CNGB3: variants seen among roughly 807,000 people sequenced by gnomAD.
CNGB3 encodes the protein cyclic nucleotide-gated channel beta-3.
Under a neutral mutation model 92.8 loss-of-function variants are expected in CNGB3, and 86 were observed. The observed-to-expected ratio is 0.93, with a 90% CI of 0.78 to 1.11. CNGB3 has a LOEUF of 1.11. Ranked by LOEUF, CNGB3 falls within the 50% of genes least tolerant of loss-of-function variation. The probability of loss-of-function intolerance (pLI) is 0.00; values close to 1 mark genes in which losing one functional copy is unlikely to be tolerated. For synonymous variants in CNGB3, 333 were observed against 332.7 expected (o/e 1.00, Z -0.01); for missense variants, 1,026 against 956.8 (o/e 1.07, Z -0.95).
In CNGB3 at chr8:86,739,639, C is replaced by CA; in HGVS notation, c.211+15dup. On this transcript the variant is annotated intron_variant, in intron 2 of 17. Transcript: ENST00000320005. ...TTTTTAGTTTTTTTTTTTTTTTTTT[C>CA]AGACTGCATTCTGACCTTGTATGTT... The CA allele has an allele frequency of 2.2e-6, 2 of 922,536 alleles. No individual in the cohort carries two copies. The highest frequency in any genetic ancestry group is 6.5e-5 in the East Asian group (2 of 30,684). The allele number at this position is 922,536 out of a possible 1,614,324, so 57.1% of individuals were successfully genotyped here. A position where few individuals can be genotyped will look rare whatever the true frequency, so the allele number is the denominator to read the frequency against.
At chr8:86,738,483 G>A (rs1825283698) in intron 2 of CNGB3, among the ~76,000 whole-genome samples, 1 of 152,176 alleles carries the variant, frequency 6.6e-6, no homozygotes. Context: ...CTTGGCCTGG[G>A]GGTAGTGCAG....
At position 86,705,659 on chromosome 8, in the gene CNGB3, G is replaced by A. The variant is rs1303244319; in HGVS notation, c.338+20872C>T. On this transcript the variant is annotated intron_variant, in intron 3 of 17. Transcript: ENST00000320005. ...AAGACAGGCTGGATATCAGAAACAC[G>A]GCTGACATGAGCGCTGGGGGTTCAG... Among the ~76,000 whole-genome samples, 10 of 152,094 alleles carry A rather than the reference G, an allele frequency of 6.6e-5. No homozygotes were observed. The East Asian group carries it at 1.3e-3, about 21-fold the overall frequency.
chr8:86,670,907 T>G (rs368773578), intron 4 of CNGB3, 37 bp downstream of exon 4: 1 of 1,610,906 alleles, frequency 6.2e-7, no homozygotes, highest in African/African-American at 1.3e-5. Flanking sequence ...CCCTCAGCAC[T>G]TCTTTCTTCC....
intron 3 of CNGB3, among the ~76,000 whole-genome samples, chr8:86,701,177 A>G (rs1405555453): frequency 6.6e-6 from 1 of 152,198 alleles, no homozygotes; most frequent in Non-Finnish European, 1.5e-5. Context: ...ATTAAAATTT[A>G]TGCACATAGT....
chr8:86,660,699 G>A lies in CNGB3; in HGVS notation c.852+6226C>T, dbSNP rs111566359. 546 of 529,556 alleles carry A rather than the reference G, an allele frequency of 1.0e-3. 2 individuals carry two copies. Among genetic ancestry groups the A allele is most frequent in the African/African-American group, 9.2e-3 (480 of 52,014 alleles). The allele number at this position is 529,556 out of a possible 1,614,324, so 32.8% of individuals were successfully genotyped here. ...CAGCTACAGCCCTGTTTTGTGAGAA[G>A]TTCCATACACAGTGCTCCCCCATCC... On this transcript the variant is annotated intron_variant, in intron 6 of 17. Transcript: ENST00000320005.
rs1435902596 is a variant in CNGB3 at position 86,668,106 on chromosome 8, T to C, written c.556A>G (p.Arg186Gly). ...TTTTTGACTTTGAACCACAACAGCC[T>C]GTAGTAATGTTCTGTTGGCTTATCA... ...SDDKPTEHYY[R>G]LLWFKVKKMP... Residue 186 changes from arginine (R) to glycine (G), a missense_variant, in exon 5 of 18, where the codon AGG (arginine) becomes GGG (glycine). By Grantham distance (125) the Arg-to-Gly change is moderately radical. Transcript: ENST00000320005. 1.2e-6 allele frequency: 2 copies of C among 1,614,056 alleles called. No homozygotes were observed. The highest frequency in any genetic ancestry group is 1.1e-5 in the South Asian group (1 of 91,074).
At chr8:86,689,764 A>T (rs1824269528) in intron 3 of CNGB3, among the ~76,000 whole-genome samples, 1 of 143,346 alleles carries the variant, frequency 7.0e-6, no homozygotes, top group African/African-American at 2.6e-5. Flanking sequence ...TCCTGTGTCC[A>T]AGTGTTCTCA....
At chr8:86,717,845 T>TCAACTCCAAAAGGAACCCTTGAAAC (rs1196360143) in intron 3 of CNGB3, among the ~76,000 whole-genome samples, 30 of 152,228 alleles carry the variant, frequency 2.0e-4, no homozygotes, top group Admixed American at 7.9e-4. Flanking sequence ...AAATTTGAAA[T>TCAACTCCAAAAGGAACCCTTGAAAC]CAACTCCAAA....
intron 2 of CNGB3, among the ~76,000 whole-genome samples, chr8:86,731,655 C>T (rs953572482): frequency 6.6e-6 from 1 of 152,046 alleles, no homozygotes; most frequent in African/African-American, 2.4e-5. Flanking sequence ...TGAACAGAGA[C>T]CTGTAATCCC....
At chr8:86,626,130 T>G in intron 12 of CNGB3, 50 bp from the exon 13 acceptor site, 2 of 1,398,224 alleles carry the variant, frequency 1.4e-6, no homozygotes, top group Non-Finnish European at 2.0e-6. Flanking sequence ...ATTAATGAAA[T>G]AAGTCACCAA....
chr8:86,584,884 A>G (rs1443954989), intron 15 of CNGB3, among the ~76,000 whole-genome samples: 1 of 152,224 alleles, frequency 6.6e-6, no homozygotes, highest in Non-Finnish European at 1.5e-5. Context: ...CCTACCATGT[A>G]TTCAGTACAG....
At chr8:86,648,620 T>C (rs1163365806) in intron 7 of CNGB3, among the ~76,000 whole-genome samples, 1 of 151,272 alleles carries the variant, frequency 6.6e-6, no homozygotes, top group African/African-American at 2.4e-5. Flanking sequence ...ACTTCATACT[T>C]TCTTGATGGC....
chr8:86,678,551 A>G (rs1824019254), intron 3 of CNGB3, among the ~76,000 whole-genome samples: 1 of 152,136 alleles, frequency 6.6e-6, no homozygotes, highest in Non-Finnish European at 1.5e-5. Context: ...ATATGCTGCA[A>G]TGCATGTATG....
intron 6 of CNGB3, chr8:86,661,591 A>G (rs1032714279): frequency 1.2e-5 from 9 of 767,162 alleles, no homozygotes; most frequent in Admixed American, 9.0e-5. Context: ...CAATTCCTTC[A>G]TCCTCCAACT....
chr8:86,631,943 A>G (rs1405521011), intron 11 of CNGB3, among the ~76,000 whole-genome samples: 1 of 152,172 alleles, frequency 6.6e-6, no homozygotes, highest in Non-Finnish European at 1.5e-5. Flanking sequence ...TGTGTCTTCC[A>G]TGCGTAAACT....
At chr8:86,608,213 G>T (rs536858366) in intron 14 of CNGB3, among the ~76,000 whole-genome samples, 1 of 152,100 alleles carries the variant, frequency 6.6e-6, no homozygotes, top group South Asian at 2.1e-4. Context: ...AATAATCCTC[G>T]CTCTATAATC....
chr8:86,596,776 CA>C (rs1822180042), intron 15 of CNGB3, among the ~76,000 whole-genome samples: 1 of 152,090 alleles, frequency 6.6e-6, no homozygotes, highest in Non-Finnish European at 1.5e-5. Context: ...GGAATCAAAC[CA>C]AATGTCCATC....
chr8:86,741,098 G>T (rs1021930804), intron 1 of CNGB3, among the ~76,000 whole-genome samples: 1 of 151,976 alleles, frequency 6.6e-6, no homozygotes, highest in Admixed American at 6.6e-5. Flanking sequence ...GTGTAAATGA[G>T]CTCTTTAAAT....
rs1348222428 is a variant in CNGB3 at position 86,606,546 on chromosome 8, G to C, written c.1663-2335C>G. On this transcript the variant is annotated intron_variant, in intron 14 of 17. Transcript: ENST00000320005. ...TTATATTTATTTACATACTATTAAT[G>C]CTAATAACAATATCATGTCTTTGCA... 2.6e-5 allele frequency among the ~76,000 whole-genome samples: 4 copies of C among 152,236 alleles called. No homozygotes were observed. In the South Asian group the frequency reaches 6.2e-4, roughly 24 times the overall value.
Sources: gnomAD v4.1 joint callset for allele counts (sites outside exome capture counted in the v4.1 genomes callset) on GRCh38, gnomAD v4.1.1 for gene constraint, MANE v1.5 for transcripts, NCBI Gene and HGNC (gene_info 2026-07-23, HGNC 2026-07-21) for gene names.